ASH1L: variants seen among roughly 807,000 people sequenced by gnomAD.
ASH1L encodes the protein histone-lysine N-methyltransferase ASH1L.
Under a neutral mutation model 269.0 loss-of-function variants are expected in ASH1L, and 23 were observed. The ratio of observed to expected loss-of-function variants is 0.09; its 90% confidence interval spans 0.06 to 0.12. The LOEUF (loss-of-function observed/expected upper bound fraction) is 0.12. ASH1L is among the 10% of genes least tolerant of loss of function. The probability of loss-of-function intolerance (pLI) is 1.00; values close to 1 mark genes in which losing one functional copy is unlikely to be tolerated. For missense variants in ASH1L, 2,912 were observed against 3,567.8 expected (o/e 0.82, Z 4.68); for synonymous variants, 1,187 against 1,253.5 (o/e 0.95, Z 1.12).
chr1:155,440,613 A>T, intron 4 of ASH1L: 2 of 647,480 alleles, frequency 3.1e-6, no homozygotes, highest in South Asian at 1.4e-4. Flanking sequence ...ACCAAAACGA[A>T]AAATGACCCC....
At chr1:155,526,709 A>G (rs1669285568) in intron 1 of ASH1L, among the ~76,000 whole-genome samples, 1 of 152,198 alleles carries the variant, frequency 6.6e-6, no homozygotes, top group African/African-American at 2.4e-5. Context: ...AGTGCCCACC[A>G]TATATCTACC....
chr1:155,410,532 G>A (rs1198906106), intron 6 of ASH1L, among the ~76,000 whole-genome samples: 1 of 146,558 alleles, frequency 6.8e-6, no homozygotes, highest in Non-Finnish European at 1.5e-5. Flanking sequence ...TTGAACTCCT[G>A]ACCTCAAGTA....
At chr1:155,428,145 A>G (rs193089582) in intron 5 of ASH1L, among the ~76,000 whole-genome samples, 1 of 152,326 alleles carries the variant, frequency 6.6e-6, no homozygotes, top group African/African-American at 2.4e-5. Context: ...ACAAATTAGT[A>G]TAATGCCTTA....
In ASH1L at chr1:155,341,995, T is replaced by C; in HGVS notation, c.8401A>G (p.Thr2801Ala). Residue 2801 changes from threonine to alanine, a missense_variant, in exon 25 of 28, where the codon ACC becomes GCC. Physicochemically the swap from Thr to Ala is moderately conservative, Grantham distance 58. Transcript: ENST00000392403. ...KIHRNRYPVC[T>A]KPYAFDHFPK... ...AAGTGATCAAAAGCATAGGGTTTGGTGCAGACAGGATAGCGGTTCCGGTGG... is the reference window on the plus strand; with the variant it reads ...AAGTGATCAAAAGCATAGGGTTTGGCGCAGACAGGATAGCGGTTCCGGTGG... The C allele has an allele frequency of 6.2e-7, 1 of 1,614,096 alleles. No individual in the cohort carries two copies. The highest frequency in any genetic ancestry group is 1.7e-5 in the Admixed American group (1 of 60,016).
chr1:155,522,927 G>C (rs545220391), intron 1 of ASH1L, among the ~76,000 whole-genome samples: 1 of 152,108 alleles, frequency 6.6e-6, no homozygotes, highest in Admixed American at 6.5e-5. Flanking sequence ...CTGACCTCAG[G>C]TGATCCGCCT....
chr1:155,390,608 A>C (rs1386819117), intron 7 of ASH1L, among the ~76,000 whole-genome samples: 1 of 151,870 alleles, frequency 6.6e-6, no homozygotes, highest in Non-Finnish European at 1.5e-5. Context: ...ATCTTATTAA[A>C]GATATCTGTA....
chr1:155,460,717 T>C (rs183172611), intron 3 of ASH1L, among the ~76,000 whole-genome samples: 1 of 152,346 alleles, frequency 6.6e-6, no homozygotes, highest in East Asian at 1.9e-4. Flanking sequence ...CTAGAAAAAC[T>C]GGTAATTAAT....
At chr1:155,410,198 C>T (rs1235047408) in intron 6 of ASH1L, among the ~76,000 whole-genome samples, 1 of 152,088 alleles carries the variant, frequency 6.6e-6, no homozygotes, top group African/African-American at 2.4e-5. Flanking sequence ...ATGAACACAA[C>T]TCACTGCAGC....
rs546306224 is a variant in ASH1L, at chr1:155,421,054, T to C, written c.5829-5131A>G. Among the ~76,000 whole-genome samples the C allele has an allele frequency of 1.5e-3, 230 of 150,726 alleles. 1 individual carries two copies. The highest frequency in any genetic ancestry group is 5.3e-3 in the African/African-American group (217 of 41,064). ...AGGTTGGAGACCAACCGAGGCAACA[T>C]AGTCAGACCCCATCTTTGCAAAAAA... On this transcript the variant is annotated intron_variant, in intron 5 of 27. Coordinates refer to ENST00000392403, the MANE Select transcript of ASH1L (RefSeq NM_018489.3).
chr1:155,423,504 G>C (rs1344301422), intron 5 of ASH1L, among the ~76,000 whole-genome samples: 2 of 152,026 alleles, frequency 1.3e-5, no homozygotes, highest in Non-Finnish European at 2.9e-5. Flanking sequence ...GGGAGGCAGA[G>C]GTTGCAGTGA....
At chr1:155,341,378 G>C (rs546982867) in intron 25 of ASH1L, among the ~76,000 whole-genome samples, 177 of 152,126 alleles carry the variant, frequency 1.2e-3, no homozygotes, top group Non-Finnish European at 2.1e-3. Context: ...GGGTTTCACC[G>C]TGTTAGCCAG....
intron 17 of ASH1L, 63 bp downstream of exon 17, chr1:155,352,643 T>A: frequency 6.8e-7 from 1 of 1,476,650 alleles, no homozygotes; most frequent in Non-Finnish European, 9.0e-7. Flanking sequence ...TATCTCTATT[T>A]ATTTAAAAAA....
At chr1:155,501,149 T>C (rs941655984) in intron 2 of ASH1L, among the ~76,000 whole-genome samples, 1 of 152,214 alleles carries the variant, frequency 6.6e-6, no homozygotes, top group African/African-American at 2.4e-5. Flanking sequence ...GTCATTAAGA[T>C]GTGTTAAACT....
chr1:155,506,568 G>A (rs567512767), intron 2 of ASH1L, among the ~76,000 whole-genome samples: 2 of 151,972 alleles, frequency 1.3e-5, no homozygotes, highest in East Asian at 3.9e-4. Context: ...ATGGTGGCGT[G>A]TGCCTGTAGT....
At chr1:155,493,151 T>G (rs1020375052) in intron 2 of ASH1L, among the ~76,000 whole-genome samples, 1 of 151,986 alleles carries the variant, frequency 6.6e-6, no homozygotes, top group Non-Finnish European at 1.5e-5. Flanking sequence ...ATTCAGTGGG[T>G]TTTTTTTAAC....
Position 155,405,250 on chromosome 1 carries a change from G to T in ASH1L, c.6009-9697C>A, listed in dbSNP as rs755424890. The stretch of plus-strand genomic sequence containing the variant: ...AATCCCAGCACTTTAGGGGGCTGAG[G>T]GGGGGGCAGATCACTTGAGGTCAGG... On this transcript the variant is annotated intron_variant, in intron 6 of 27. Transcript: ENST00000392403. 4.9e-4 allele frequency among the ~76,000 whole-genome samples: 60 copies of T among 122,932 alleles called. 1 individual carries two copies. Among genetic ancestry groups the T allele is most frequent in the African/African-American group, 1.3e-3 (48 of 37,684 alleles). The allele number at this position is 122,932 out of a possible 152,430, so 80.6% of individuals were successfully genotyped here.
Position 155,476,914 on chromosome 1 carries a change from C to A in ASH1L, c.4984+972G>T, listed in dbSNP as rs2148715670. 2.0e-5 allele frequency among the ~76,000 whole-genome samples: 3 copies of A among 152,088 alleles called. No homozygotes were observed. The South Asian group carries it at 6.2e-4, about 32-fold the overall frequency. Reference sequence around the variant, plus strand: ...ATAATAACTAATATTTGCATGCTTACTATGTGATTACTTTTCATAATACCC... The same window carrying A: ...ATAATAACTAATATTTGCATGCTTAATATGTGATTACTTTTCATAATACCC... On this transcript the variant is annotated intron_variant, in intron 3 of 27. Transcript: ENST00000392403.
chr1:155,377,141 A>G (rs1043415073), intron 10 of ASH1L, among the ~76,000 whole-genome samples: 1 of 152,024 alleles, frequency 6.6e-6, no homozygotes, highest in Admixed American at 6.6e-5. Flanking sequence ...TCCCGACCTC[A>G]GGTGACCTGC....
intron 2 of ASH1L, among the ~76,000 whole-genome samples, chr1:155,504,275 A>T (rs1195998855): frequency 6.6e-6 from 1 of 152,206 alleles, no homozygotes; most frequent in Non-Finnish European, 1.5e-5. Flanking sequence ...CTAACAGATC[A>T]GCAACACCCA....
Sources: gnomAD v4.1 joint callset for allele counts (sites outside exome capture counted in the v4.1 genomes callset) on GRCh38, gnomAD v4.1.1 for gene constraint, MANE v1.5 for transcripts, NCBI Gene and HGNC (gene_info 2026-07-23, HGNC 2026-07-21) for gene names.